UBASH3A: variants seen among roughly 807,000 people sequenced by gnomAD.
UBASH3A encodes ubiquitin-associated and SH3 domain-containing protein A.
UBASH3A carries 63 observed loss-of-function variants against 73.5 expected under a neutral mutation model. That is an observed-to-expected ratio of 0.86 (90% CI 0.70 to 1.06). The LOEUF (loss-of-function observed/expected upper bound fraction) is 1.06, where lower values mean the gene tolerates loss of function less well. Among genes scored for constraint, UBASH3A ranks in the 50% least tolerant of loss-of-function variants. The probability of loss-of-function intolerance (pLI) is 0.00; values close to 1 mark genes in which losing one functional copy is unlikely to be tolerated. For missense variants in UBASH3A, 860 were observed against 859.0 expected, an observed-to-expected ratio of 1.00 and a Z score of -0.02; for synonymous variants, 363 against 351.1, an observed-to-expected ratio of 1.03 and a Z score of -0.38.
intron 1 of UBASH3A, among the ~76,000 whole-genome samples, chr21:42,404,855 G>A (rs1187830081): frequency 6.6e-6 from 1 of 152,204 alleles, no homozygotes; most frequent in African/African-American, 2.4e-5. Flanking sequence ...GCATGTGGAA[G>A]AGCTTAGCCT....
At chr21:42,417,419 C>CAAAAAAAAAAAAA (rs71190423) in intron 6 of UBASH3A, 2 of 74,312 alleles carry the variant, frequency 2.7e-5, no homozygotes, top group African/African-American at 1.1e-4. Flanking sequence ...GCGAGACTGG[C>CAAAAAAAAAAAAA]AAAAAAAAAA....
chr21:42,404,384 ATT>A (rs113136706), intron 1 of UBASH3A, among the ~76,000 whole-genome samples: 5 of 150,522 alleles, frequency 3.3e-5, no homozygotes, highest in African/African-American at 9.8e-5. Flanking sequence ...ATATTATGAG[ATT>A]TTTTTTTTAG....
At chr21:42,423,209 C>T (rs1377430505) in intron 7 of UBASH3A, among the ~76,000 whole-genome samples, 2 of 152,230 alleles carry the variant, frequency 1.3e-5, no homozygotes, top group South Asian at 2.1e-4. Flanking sequence ...ATTCAACCAA[C>T]AGTCATGGCC....
At chr21:42,412,334 G>A (rs2053116302) in intron 3 of UBASH3A, among the ~76,000 whole-genome samples, 1 of 152,178 alleles carries the variant, frequency 6.6e-6, no homozygotes, top group African/African-American at 2.4e-5. Flanking sequence ...AGCTGCATCA[G>A]AAAGAGGGTC....
chr21:42,434,716 A>G, intron 9 of UBASH3A, 116 bp from the exon 10 acceptor site: 1 of 1,188,470 alleles, frequency 8.4e-7, no homozygotes, highest in South Asian at 1.5e-5. Flanking sequence ...AACACAGTTG[A>G]CAATAATTTC....
At chr21:42,436,092 T>C (rs1338946373) in intron 10 of UBASH3A, among the ~76,000 whole-genome samples, 6 of 151,930 alleles carry the variant, frequency 3.9e-5, no homozygotes, top group African/African-American at 1.5e-4. Flanking sequence ...GTTAGAGTCA[T>C]AGAGTTATAG....
intron 9 of UBASH3A, among the ~76,000 whole-genome samples, chr21:42,433,747 G>A (rs1023419397): frequency 6.6e-6 from 1 of 152,138 alleles, no homozygotes; most frequent in Admixed American, 6.5e-5. Context: ...CCCAGGGAGG[G>A]AGTCTTCAGA....
intron 13 of UBASH3A, 81 bp from the exon 14 acceptor site, chr21:42,444,453 C>T: frequency 1.9e-6 from 2 of 1,058,134 alleles, no homozygotes; most frequent in South Asian, 1.3e-5. Context: ...AGCTCTGCCC[C>T]CCACCACTTT....
intron 8 of UBASH3A, among the ~76,000 whole-genome samples, chr21:42,430,969 T>C: frequency 6.6e-6 from 1 of 152,200 alleles, no homozygotes; most frequent in Non-Finnish European, 1.5e-5. Flanking sequence ...CGATGTCAGC[T>C]GGCACATTAG....
intron 9 of UBASH3A, among the ~76,000 whole-genome samples, chr21:42,433,594 G>A (rs1208582339): frequency 6.6e-6 from 1 of 152,208 alleles, no homozygotes; most frequent in Non-Finnish European, 1.5e-5. Flanking sequence ...TTTAGAGGGG[G>A]ATCACAGATG....
At chr21:42,406,455 C>CTGATA in intron 2 of UBASH3A, 94 bp downstream of exon 2, 2 of 1,113,584 alleles carry the variant, frequency 1.8e-6, no homozygotes, top group South Asian at 2.5e-5. Flanking sequence ...CCAGGAAGAG[C>CTGATA]CGGGCGCCTC....
Position 42,413,177 on chromosome 21 carries a change from C to G in UBASH3A, c.508C>G (p.Arg170Gly), listed in dbSNP as rs763870040. The change falls in exon 4 of 15, where the codon CGG becomes GGG. Residue 170 changes from arginine (R) to glycine (G), a missense_variant. By Grantham distance (125) the Arg-to-Gly change is moderately radical. Coordinates refer to ENST00000319294, the MANE Select transcript of UBASH3A (RefSeq NM_018961.4). This position sits in a 1 kb window ranked among gnomAD's most constrained non-coding sequence, Gnocchi z 4.5. ...CAGTGGCAGCCCCGCAGACGTCATCCGGGAATTCGCCATGACCTTCGCCAC... is the reference window on the plus strand; with the variant it reads ...CAGTGGCAGCCCCGCAGACGTCATCGGGGAATTCGCCATGACCTTCGCCAC... ...FVSGSPADVI[R>G]EFAMTFATEA... 1 of 1,614,192 alleles carries G rather than the reference C, an allele frequency of 6.2e-7. No individual in the cohort carries two copies. Among genetic ancestry groups the G allele is most frequent in the South Asian group, 1.1e-5 (1 of 91,074 alleles).
rs889095877 is a variant in UBASH3A at position 42,413,693 on chromosome 21, T to G, written c.667+170T>G. Among the ~76,000 whole-genome samples the G allele has an allele frequency of 3.3e-5, 5 of 152,068 alleles. No individual in the cohort carries two copies. The highest frequency in any genetic ancestry group is 1.2e-4 in the African/African-American group (5 of 41,408). Reference sequence around the variant, plus strand: ...CCTGAGTGGGTGACTGTGACGGGGTTGGAGGCTGGTGCACACAGGGAGTCA... The same window carrying G: ...CCTGAGTGGGTGACTGTGACGGGGTGGGAGGCTGGTGCACACAGGGAGTCA... On this transcript the variant is annotated intron_variant, in intron 5 of 14. Coordinates refer to ENST00000319294, the MANE Select transcript of UBASH3A (RefSeq NM_018961.4). This position sits in a 1 kb window ranked among gnomAD's most constrained non-coding sequence, Gnocchi z 4.5.
intron 11 of UBASH3A, among the ~76,000 whole-genome samples, chr21:42,439,632 G>A (rs1185891686): frequency 6.6e-6 from 1 of 151,546 alleles, no homozygotes; most frequent in Non-Finnish European, 1.5e-5. Flanking sequence ...ACGCTGGCAT[G>A]CACATACACA....
rs1568916425 is a variant in UBASH3A at position 42,416,547 on chromosome 21, T to C, written c.773T>C (p.Leu258Pro). ...TLEQLARAIPLGHSCQWTAAL... is the reference protein window; with the variant it reads ...TLEQLARAIPPGHSCQWTAAL... ...GAGCAGCTGGCCAGAGCCATCCCCCTGGGCCACAGCTGCCAGTGGACCGCA... is the reference window on the plus strand; with the variant it reads ...GAGCAGCTGGCCAGAGCCATCCCCCCGGGCCACAGCTGCCAGTGGACCGCA... The change falls in exon 6 of 15, where the codon CTG becomes CCG. Residue 258 changes from leucine to proline, a missense_variant. By Grantham distance (98) the Leu-to-Pro change is moderately conservative. Transcript: ENST00000319294. The C allele has an allele frequency of 6.2e-7, 1 of 1,610,200 alleles. No homozygotes were observed. Among genetic ancestry groups the C allele is most frequent in the Non-Finnish European group, 8.5e-7 (1 of 1,178,580 alleles).
chr21:42,413,068 A>C lies in UBASH3A; in HGVS notation c.399A>C (p.Arg133Ser), dbSNP rs2053133214. 1 of 1,614,178 alleles carries C rather than the reference A, an allele frequency of 6.2e-7. No homozygotes were observed. Among genetic ancestry groups the C allele is most frequent in the African/African-American group, 1.3e-5 (1 of 75,036 alleles). Residue 133 changes from arginine (R) to serine (S), a missense_variant, in exon 4 of 15, where the codon AGA becomes AGC. By Grantham distance (110) the Arg-to-Ser change is moderately radical. Transcript: ENST00000319294. The surrounding 1 kb of genome is among the most constrained non-coding windows in gnomAD (Gnocchi z 4.5). ...AATGCCTGTACGAGGCGCTGAAGAG[A>C]GCTGGAGACAGGCTCCTGGGCTCCT... ...KVECLYEALK[R>S]AGDRLLGSFP...
Position 42,413,347 on chromosome 21 carries a change from C to T in UBASH3A, c.554-63C>T. ...GTTCCAGGGGAGCAGAGCCCAGCAG[C>T]AATGGTGGGATGGCTGGGTGGGCTT... On this transcript the variant is annotated intron_variant, in intron 4 of 14. Transcript: ENST00000319294. This position sits in a 1 kb window ranked among gnomAD's most constrained non-coding sequence, Gnocchi z 4.5. The T allele has an allele frequency of 6.5e-7, 1 of 1,530,046 alleles. No individual in the cohort carries two copies. The highest frequency in any genetic ancestry group is 1.4e-5 in the African/African-American group (1 of 73,400). The allele number at this position is 1,530,046 out of a possible 1,614,324, so 94.8% of individuals were successfully genotyped here.
chr21:42,414,510 G>A (rs1049531554), intron 5 of UBASH3A, among the ~76,000 whole-genome samples: 2 of 151,246 alleles, frequency 1.3e-5, no homozygotes, highest in African/African-American at 4.9e-5. Context: ...CCCTAAAAAT[G>A]TTTGTCCACC....
chr21:42,434,754 C>T (rs1238140330), intron 9 of UBASH3A, 78 bp from the exon 10 acceptor site: 1 of 1,484,936 alleles, frequency 6.7e-7, no homozygotes, highest in African/African-American at 1.4e-5. Flanking sequence ...TAGAGTGGGT[C>T]TTGGTCTTGG....
Sources: gnomAD v4.1 joint callset for allele counts (sites outside exome capture counted in the v4.1 genomes callset) on GRCh38, gnomAD v4.1.1 for gene constraint, Gnocchi (gnomAD v3.1) non-coding constraint, MANE v1.5 for transcripts, NCBI Gene and HGNC (gene_info 2026-07-23, HGNC 2026-07-21) for gene names.